The following ANKRD13A variants were observed in gnomAD, a reference collection of about 807,000 sequenced individuals.
ANKRD13A encodes ankyrin repeat domain 13A.
Under a neutral mutation model 81.3 loss-of-function variants are expected in ANKRD13A, and 48 were observed. The observed-to-expected ratio is 0.59, with a 90% CI of 0.47 to 0.75. The LOEUF (loss-of-function observed/expected upper bound fraction) is 0.75. Ranked by LOEUF, ANKRD13A falls within the 30% of genes least tolerant of loss-of-function variation. ANKRD13A has a pLI of 0.00. For synonymous variants in ANKRD13A, 230 were observed against 270.1 expected, an observed-to-expected ratio of 0.85 and a Z score of 1.45; for missense variants, 612 against 734.0, an observed-to-expected ratio of 0.83 and a Z score of 1.92.
At chr12:110,032,161 G>T (rs1029961295) in intron 12 of ANKRD13A, 1 of 152,150 alleles carries the variant, frequency 6.6e-6, no homozygotes, top group African/African-American at 2.4e-5. Context: ...AAGGATTGTT[G>T]TGCCATTAGG....
intron 13 of ANKRD13A, among the ~76,000 whole-genome samples, chr12:110,034,948 C>A (rs1178018271): frequency 6.6e-6 from 1 of 152,242 alleles, no homozygotes; most frequent in Non-Finnish European, 1.5e-5. Flanking sequence ...GCTCACACTC[C>A]AGCGTCCTCA....
intron 7 of ANKRD13A, among the ~76,000 whole-genome samples, chr12:110,024,479 T>G (rs1260525060): frequency 6.6e-6 from 1 of 151,996 alleles, no homozygotes; most frequent in Non-Finnish European, 1.5e-5. Flanking sequence ...AGCTTTTGAG[T>G]CTCTTTTTTG....
chr12:110,024,562 G>A (rs957244983), intron 7 of ANKRD13A, among the ~76,000 whole-genome samples: 1 of 152,202 alleles, frequency 6.6e-6, no homozygotes, highest in African/African-American at 2.4e-5. Context: ...AAACATAGTT[G>A]TAATAGTGGA....
intron 1 of ANKRD13A, among the ~76,000 whole-genome samples, chr12:110,006,339 G>T (rs1890240735): frequency 6.6e-6 from 1 of 152,084 alleles, no homozygotes. Flanking sequence ...TGTTTTGTTT[G>T]TACGCATCCT....
At chr12:110,023,903 G>A (rs867491110) in intron 6 of ANKRD13A, 143 bp from the exon 7 acceptor site, 48 of 749,564 alleles carry the variant, frequency 6.4e-5, no homozygotes, top group African/African-American at 4.9e-4. Flanking sequence ...ATTGCTAACC[G>A]CCTCCTGTGG....
At chr12:110,000,414 A>AG (rs1289830564) in intron 1 of ANKRD13A, among the ~76,000 whole-genome samples, 3 of 152,204 alleles carry the variant, frequency 2.0e-5, no homozygotes, top group Non-Finnish European at 4.4e-5. Flanking sequence ...GCTGATACCT[A>AG]GCAAAGTTTG....
chr12:110,005,427 A>G (rs1890193439), intron 1 of ANKRD13A, among the ~76,000 whole-genome samples: 2 of 151,918 alleles, frequency 1.3e-5, no homozygotes. Flanking sequence ...CACTGCACCC[A>G]CCCTGTAATA....
intron 6 of ANKRD13A, 29 bp downstream of exon 6, chr12:110,019,357 T>A: frequency 6.4e-7 from 1 of 1,560,272 alleles, no homozygotes; most frequent in South Asian, 1.2e-5. Flanking sequence ...AATTTTAATG[T>A]CTAATCCCCA....
intron 3 of ANKRD13A, 75 bp from the exon 4 acceptor site, chr12:110,016,313 A>G: frequency 1.8e-6 from 2 of 1,135,142 alleles, no homozygotes; most frequent in Non-Finnish European, 2.4e-6. Flanking sequence ...GTTTTTAAGA[A>G]CCCTGTTAAC....
chr12:110,032,854 C>T (rs528236043), intron 12 of ANKRD13A: 4 of 152,186 alleles, frequency 2.6e-5, no homozygotes, highest in South Asian at 2.1e-4. Flanking sequence ...GAATAAATTC[C>T]GCATGATTCC....
intron 13 of ANKRD13A, among the ~76,000 whole-genome samples, chr12:110,035,585 G>A (rs1891992841): frequency 6.6e-6 from 1 of 152,024 alleles, no homozygotes; most frequent in African/African-American, 2.4e-5. Context: ...GAGTAGCTGG[G>A]ATTACAGGTG....
At chr12:110,025,885 C>G (rs1215510185) in intron 8 of ANKRD13A, 62 bp downstream of exon 8, 22 of 1,412,202 alleles carry the variant, frequency 1.6e-5, no homozygotes, top group Admixed American at 5.3e-5. Flanking sequence ...AGAGGGAACT[C>G]TTTGTTGGCT....
At chr12:110,017,438 T>C (rs1208251447) in intron 4 of ANKRD13A, among the ~76,000 whole-genome samples, 2 of 152,228 alleles carry the variant, frequency 1.3e-5, no homozygotes, top group Non-Finnish European at 2.9e-5. Context: ...TCATTTCTTG[T>C]AGATAAATTA....
intron 1 of ANKRD13A, 142 bp from the exon 2 acceptor site, chr12:110,011,863 C>T: frequency 1.3e-6 from 1 of 741,932 alleles, no homozygotes. Flanking sequence ...TGCCCAAATG[C>T]AAACATACCT....
chr12:110,016,285 T>TA, intron 3 of ANKRD13A, 103 bp from the exon 4 acceptor site: 1 of 865,544 alleles, frequency 1.2e-6, no homozygotes. Flanking sequence ...TTTCTCTTTT[T>TA]TTTTTTTTTA....
rs367703492 is a variant in ANKRD13A at position 110,029,564 on chromosome 12, C to T, written c.1163C>T (p.Thr388Met). 8.7e-6 allele frequency: 14 copies of T among 1,613,934 alleles called. No individual in the cohort carries two copies. The highest frequency in any genetic ancestry group is 5.3e-5 in the African/African-American group (4 of 74,888). The change falls in exon 11 of 15, where the codon ACG (threonine) becomes ATG (methionine). Residue 388 changes from threonine to methionine, a missense_variant. Coordinates refer to ENST00000261739, the MANE Select transcript of ANKRD13A (RefSeq NM_033121.2). Reference sequence around the variant, plus strand: ...CCCATCATTGACCTAATGGCTCGAACGAGTGCTCATTTTGCAAGACTGAGA... The same window carrying T: ...CCCATCATTGACCTAATGGCTCGAATGAGTGCTCATTTTGCAAGACTGAGA... ...VIPIIDLMAR[T>M]SAHFARLRDF...
intron 1 of ANKRD13A, among the ~76,000 whole-genome samples, chr12:110,007,511 G>T (rs928482043): frequency 6.6e-6 from 1 of 152,040 alleles, no homozygotes; most frequent in Non-Finnish European, 1.5e-5. Context: ...CTCCCAAGTA[G>T]CTGGGATTAC....
At chr12:110,036,000 TG>T (rs1296183017) in intron 13 of ANKRD13A, among the ~76,000 whole-genome samples, 6 of 152,232 alleles carry the variant, frequency 3.9e-5, no homozygotes, top group African/African-American at 1.2e-4. Flanking sequence ...ATCTTCCACG[TG>T]GGTTAGCTGT....
At chr12:110,004,406 G>A (rs569950465) in intron 1 of ANKRD13A, among the ~76,000 whole-genome samples, 85 of 152,132 alleles carry the variant, frequency 5.6e-4, no homozygotes, top group Non-Finnish European at 4.0e-4. Flanking sequence ...ACCTGAGGTC[G>A]GGAGTTCGAG....
Sources: allele counts gnomAD v4.1 joint callset (sites outside exome capture counted in the v4.1 genomes callset), GRCh38; gene constraint gnomAD v4.1.1; transcripts MANE v1.5; gene names NCBI Gene and HGNC (gene_info 2026-07-23, HGNC 2026-07-21).